Variants in MYRIP observed in about 807,000 individuals in gnomAD.
MYRIP encodes rab effector MyRIP.
MYRIP carries 49 observed loss-of-function variants against 98.0 expected under a neutral mutation model. That is an observed-to-expected ratio of 0.50 (90% CI 0.40 to 0.63). The LOEUF (loss-of-function observed/expected upper bound fraction) is 0.63, where lower values mean the gene tolerates loss of function less well. MYRIP is among the 30% of genes least tolerant of loss of function. The pLI is 0.00. For missense variants in MYRIP, 1,004 were observed against 1,058.2 expected (o/e 0.95, Z 0.71); for synonymous variants, 404 against 409.5 (o/e 0.99, Z 0.16).
intron 3 of MYRIP, among the ~76,000 whole-genome samples, chr3:40,133,743 GA>G (rs922413181): frequency 3.9e-5 from 6 of 152,076 alleles, no homozygotes; most frequent in Non-Finnish European, 4.4e-5. Context: ...AAAACAGGGG[GA>G]AAAAATGTAT....
intron 2 of MYRIP, among the ~76,000 whole-genome samples, chr3:39,924,723 A>C (rs1353101221): frequency 6.6e-6 from 1 of 152,114 alleles, no homozygotes; most frequent in African/African-American, 2.4e-5. Flanking sequence ...TGGGCTATAA[A>C]ACAAACCTTA....
intron 3 of MYRIP, among the ~76,000 whole-genome samples, chr3:40,070,735 G>T (rs1445930208): frequency 1.3e-5 from 2 of 152,142 alleles, no homozygotes; most frequent in Non-Finnish European, 2.9e-5. Context: ...CCATGGAAAA[G>T]TTGCCTTCCA....
intron 16 of MYRIP, among the ~76,000 whole-genome samples, chr3:40,253,064 T>A (rs1559478593): frequency 1.3e-5 from 2 of 152,224 alleles, no homozygotes; most frequent in African/African-American, 4.8e-5. Context: ...CTCCATTGCA[T>A]AAGCTTACAT....
At chr3:40,155,098 G>A (rs978280509) in intron 4 of MYRIP, among the ~76,000 whole-genome samples, 8 of 150,832 alleles carry the variant, frequency 5.3e-5, no homozygotes, top group South Asian at 2.1e-4. Context: ...CCACTAACTC[G>A]TCATCTAGCA....
chr3:39,919,625 C>G (rs1427418129), intron 2 of MYRIP, among the ~76,000 whole-genome samples: 1 of 151,768 alleles, frequency 6.6e-6, no homozygotes, highest in African/African-American at 2.4e-5. Context: ...ACAATATAAA[C>G]AGATTCGTGT....
At chr3:39,914,011 T>C (rs1944089864) in intron 2 of MYRIP, among the ~76,000 whole-genome samples, 1 of 152,204 alleles carries the variant, frequency 6.6e-6, no homozygotes. Flanking sequence ...AACCTGCCAC[T>C]CTTCTGCCTC....
chr3:39,942,743 C>T (rs1285539886), intron 2 of MYRIP, among the ~76,000 whole-genome samples: 5 of 152,098 alleles, frequency 3.3e-5, no homozygotes, highest in Admixed American at 2.6e-4. Context: ...CTATAGAAGA[C>T]TAGATCTGTC....
At position 39,842,348 on chromosome 3, in the gene MYRIP, C is replaced by T. The variant is rs566900632; in HGVS notation, c.-31+32432C>T. Among the ~76,000 whole-genome samples, 153 of 152,304 alleles carry T rather than the reference C, an allele frequency of 1.0e-3. No homozygotes were observed. The East Asian group carries it at 0.013, about 13-fold the overall frequency. On this transcript the variant is annotated intron_variant, in intron 1 of 16. Transcript: ENST00000302541. ...GTGTCCCTGGTCGACTTCAGACTGC[C>T]GTGCTGGCAGCGAGAATTTCAAGCC...
intron 3 of MYRIP, among the ~76,000 whole-genome samples, chr3:40,049,468 A>G (rs1947741433): frequency 6.6e-6 from 1 of 152,072 alleles, no homozygotes; most frequent in Non-Finnish European, 1.5e-5. Context: ...CCACACCCAT[A>G]TAAGACAGGA....
rs532025544 is a variant in MYRIP at position 40,197,812 on chromosome 3, A to G, written c.1665+7349A>G. On this transcript the variant is annotated intron_variant, in intron 10 of 16. Coordinates refer to ENST00000302541, the MANE Select transcript of MYRIP (RefSeq NM_015460.4). ...TTCCTTCTCTCTGCAGTATTTTTCCATGGGTTCCACATTAACTTTTCCTGT... is the reference window on the plus strand; with the variant it reads ...TTCCTTCTCTCTGCAGTATTTTTCCGTGGGTTCCACATTAACTTTTCCTGT... Among the ~76,000 whole-genome samples the G allele has an allele frequency of 2.0e-5, 3 of 152,268 alleles. No homozygotes were observed. The East Asian group carries it at 5.8e-4, about 29-fold the overall frequency.
chr3:40,140,121 A>G (rs893827821), intron 3 of MYRIP, among the ~76,000 whole-genome samples: 5 of 152,200 alleles, frequency 3.3e-5, no homozygotes, highest in African/African-American at 1.2e-4. Context: ...GTGGATCTCT[A>G]TGCCTCATGT....
At chr3:39,983,562 C>T (rs938136038) in intron 2 of MYRIP, among the ~76,000 whole-genome samples, 2 of 152,218 alleles carry the variant, frequency 1.3e-5, no homozygotes, top group African/African-American at 4.8e-5. Flanking sequence ...CTTATTTATT[C>T]AACAAATAGC....
chr3:40,108,110 A>G (rs938805960), intron 3 of MYRIP, among the ~76,000 whole-genome samples: 8 of 152,040 alleles, frequency 5.3e-5, no homozygotes, highest in African/African-American at 1.9e-4. Flanking sequence ...AAGTCATAAC[A>G]TAGTTTCAGC....
chr3:39,993,116 G>T (rs1428404744), intron 2 of MYRIP, among the ~76,000 whole-genome samples: 10 of 152,204 alleles, frequency 6.6e-5, no homozygotes, highest in Non-Finnish European at 5.9e-5. Flanking sequence ...GTCAGCATCT[G>T]GTAAGGGCAT....
At chr3:40,098,353 T>C (rs1010698584) in intron 3 of MYRIP, among the ~76,000 whole-genome samples, 3 of 152,166 alleles carry the variant, frequency 2.0e-5, no homozygotes, top group African/African-American at 4.8e-5. Flanking sequence ...ATACATTCCA[T>C]AAAAGTGTGA....
chr3:40,083,912 C>A (rs539437521), intron 3 of MYRIP, among the ~76,000 whole-genome samples: 2 of 151,680 alleles, frequency 1.3e-5, no homozygotes, highest in Non-Finnish European at 2.9e-5. Context: ...CCAAGGTGGG[C>A]GGATTATGAG....
intron 1 of MYRIP, among the ~76,000 whole-genome samples, chr3:39,872,591 G>C (rs972430314): frequency 6.7e-6 from 1 of 149,348 alleles, no homozygotes; most frequent in African/African-American, 2.5e-5. Flanking sequence ...TGCGGTGTTT[G>C]GTTTTTTGTC....
At chr3:39,872,725 T>C (rs1223343511) in intron 1 of MYRIP, among the ~76,000 whole-genome samples, 2 of 152,160 alleles carry the variant, frequency 1.3e-5, no homozygotes, top group Non-Finnish European at 2.9e-5. Flanking sequence ...ATTTTCTTAA[T>C]CCAGTCTATC....
At chr3:40,235,822 G>A (rs1204173000) in intron 12 of MYRIP, among the ~76,000 whole-genome samples, 2 of 152,196 alleles carry the variant, frequency 1.3e-5, no homozygotes, top group Non-Finnish European at 2.9e-5. Flanking sequence ...AAAGGAGGAA[G>A]GGGATGAATG....
Sources: allele counts gnomAD v4.1 joint callset (sites outside exome capture counted in the v4.1 genomes callset), GRCh38; gene constraint gnomAD v4.1.1; transcripts MANE v1.5; gene names NCBI Gene and HGNC (gene_info 2026-07-23, HGNC 2026-07-21).